Variants in ZNF212 observed in about 807,000 individuals in gnomAD.
ZNF212 encodes the protein Zinc finger protein C2H2-150.
Under a neutral mutation model 47.3 loss-of-function variants are expected in ZNF212, and 32 were observed. The observed-to-expected ratio is 0.68, with a 90% CI of 0.51 to 0.91. ZNF212 has a LOEUF of 0.91. Ranked by LOEUF, ZNF212 falls within the 40% of genes least tolerant of loss-of-function variation. The pLI is 0.00. For missense variants in ZNF212, 555 were observed against 622.8 expected, an observed-to-expected ratio of 0.89 and a Z score of 1.16; for synonymous variants, 242 against 253.8, an observed-to-expected ratio of 0.95 and a Z score of 0.44.
intron 1 of ZNF212, among the ~76,000 whole-genome samples, chr7:149,247,695 G>A (rs1009868747): frequency 1.3e-5 from 2 of 152,152 alleles, no homozygotes; most frequent in African/African-American, 4.8e-5. Flanking sequence ...AAATCAAGAT[G>A]TTTGCAGGGT....
chr7:149,252,662 C>T (rs1254154795), intron 3 of ZNF212, 44 bp from the exon 4 acceptor site: 2 of 1,592,904 alleles, frequency 1.3e-6, no homozygotes, highest in Non-Finnish European at 1.7e-6. Flanking sequence ...GTGCAGTGAG[C>T]TTTCACTCTC....
At chr7:149,241,406 TG>T (rs1441719157) in intron 1 of ZNF212, among the ~76,000 whole-genome samples, 1 of 125,610 alleles carries the variant, frequency 8.0e-6, no homozygotes, top group Non-Finnish European at 1.6e-5. Context: ...CACTCCAGCC[TG>T]GGTGACAGAG....
At chr7:149,251,200 T>C in intron 3 of ZNF212, 1 of 260,970 alleles carries the variant, frequency 3.8e-6, no homozygotes, top group South Asian at 3.9e-5. Flanking sequence ...TCTTTTTTTC[T>C]TTGAGACAGA....
chr7:149,248,173 A>G, intron 1 of ZNF212, among the ~76,000 whole-genome samples: 1 of 152,138 alleles, frequency 6.6e-6, no homozygotes, highest in East Asian at 1.9e-4. Context: ...ACCTCCCGAC[A>G]CTGCCACATT....
At chr7:149,245,182 CT>C (rs1397578288) in intron 1 of ZNF212, among the ~76,000 whole-genome samples, 1 of 151,710 alleles carries the variant, frequency 6.6e-6, no homozygotes, top group Non-Finnish European at 1.5e-5. Flanking sequence ...AACCCTGTCC[CT>C]ACTAAAAATA....
intron 1 of ZNF212, among the ~76,000 whole-genome samples, chr7:149,247,302 G>A (rs1222254348): frequency 6.6e-6 from 1 of 151,170 alleles, no homozygotes; most frequent in African/African-American, 2.4e-5. Flanking sequence ...GGAGGTGGGG[G>A]TCTTGCTTTG....
chr7:149,252,603 A>G lies in ZNF212; in HGVS notation c.542-103A>G, dbSNP rs903054643. The stretch of plus-strand genomic sequence containing the variant: ...GACAAGAACAGTAGCCTTTGAATCT[A>G]TATTTCCTCCCTGCCATTGGTCATC... On this transcript the variant is annotated intron_variant, in intron 3 of 4. Coordinates refer to ENST00000335870, the MANE Select transcript of ZNF212 (RefSeq NM_012256.4). 4.9e-5 allele frequency: 50 copies of G among 1,010,602 alleles called. No homozygotes were observed. The Admixed American group carries it at 8.2e-4, about 17-fold the overall frequency. The allele number at this position is 1,010,602 out of a possible 1,614,324, so 62.6% of individuals were successfully genotyped here.
chr7:149,246,385 C>CTT lies in ZNF212; in HGVS notation c.25-3760_25-3759dup, dbSNP rs879770541. On this transcript the variant is annotated intron_variant, in intron 1 of 4. Coordinates refer to ENST00000335870, the MANE Select transcript of ZNF212 (RefSeq NM_012256.4). The stretch of plus-strand genomic sequence containing the variant: ...TCCCTCATATCCCTTTATAATCAGT[C>CTT]TTTTTTTTTTTTTTTGAGACGGAGT... Among the ~76,000 whole-genome samples the CTT allele has an allele frequency of 3.5e-4, 50 of 143,704 alleles. No individual in the cohort carries two copies. The East Asian group carries it at 4.6e-3, about 13-fold the overall frequency. 94.3% of individuals were successfully genotyped at this position (143,704 alleles called of 152,430 possible).
chr7:149,246,246 A>G (rs1463612348), intron 1 of ZNF212, among the ~76,000 whole-genome samples: 1 of 152,224 alleles, frequency 6.6e-6, no homozygotes, highest in African/African-American at 2.4e-5. Flanking sequence ...GTTTATTGAG[A>G]TACCATTTAC....
rs10230230 is a variant in ZNF212, at chr7:149,253,050, G to A, written c.631+255G>A. On this transcript the variant is annotated intron_variant, in intron 4 of 4. Transcript: ENST00000335870. ...TACAGAATAGAGTACCGTACGAGGC[G>A]GTAGTCAAAACCTGCTGGAGATTGA... 1.8e-3 allele frequency among the ~76,000 whole-genome samples: 276 copies of A among 152,220 alleles called. 1 individual carries two copies. The highest frequency in any genetic ancestry group is 6.8e-3 in the Middle Eastern group (2 of 294).
chr7:149,244,198 G>T (rs558926780), intron 1 of ZNF212, among the ~76,000 whole-genome samples: 4 of 152,220 alleles, frequency 2.6e-5, no homozygotes, highest in African/African-American at 9.6e-5. Flanking sequence ...GCCTCCCAAA[G>T]GGTTGGGGTT....
At chr7:149,246,174 C>G (rs1796673513) in intron 1 of ZNF212, among the ~76,000 whole-genome samples, 1 of 152,120 alleles carries the variant, frequency 6.6e-6, no homozygotes, top group Non-Finnish European at 1.5e-5. Flanking sequence ...TGTTTTTAGA[C>G]TTTGTTTATG....
intron 1 of ZNF212, among the ~76,000 whole-genome samples, chr7:149,240,395 C>T (rs1264972083): frequency 7.2e-6 from 1 of 138,592 alleles, no homozygotes; most frequent in Non-Finnish European, 1.6e-5. Flanking sequence ...CCCCCCCCAA[C>T]ACCCCCCTCC....
chr7:149,250,890 G>A, intron 3 of ZNF212, 83 bp downstream of exon 3: 2 of 1,563,656 alleles, frequency 1.3e-6, no homozygotes, highest in Admixed American at 1.8e-5. Context: ...GACCACACCT[G>A]TGGCTCCTGT....
chr7:149,250,781 G>A lies in ZNF212; in HGVS notation c.515G>A (p.Ser172Asn). Residue 172 changes from serine (S) to asparagine (N), a missense_variant, in exon 3 of 5, where the codon AGT (serine) becomes AAT (asparagine). Transcript: ENST00000335870. ...GAGCTCTACAGAAACGTGATGGAGA[G>A]TAACTATGAGACACTGGTCTCTCTG... ...QKELYRNVME[S>N]NYETLVSLKV... is the part of the protein sequence containing the mutation. 6.2e-7 allele frequency: 1 copy of A among 1,614,232 alleles called. No individual in the cohort carries two copies. The highest frequency in any genetic ancestry group is 1.1e-5 in the South Asian group (1 of 91,086).
chr7:149,251,654 AT>A (rs1211456779), intron 3 of ZNF212, among the ~76,000 whole-genome samples: 2 of 151,344 alleles, frequency 1.3e-5, no homozygotes, highest in Non-Finnish European at 2.9e-5. Flanking sequence ...CGCCTGGCTA[AT>A]TTTTTAAATT....
chr7:149,254,469 C>T lies in ZNF212; in HGVS notation c.*54C>T, dbSNP rs757765093. 160 of 1,532,710 alleles carry T rather than the reference C, an allele frequency of 1.0e-4. No individual in the cohort carries two copies. The highest frequency in any genetic ancestry group is 1.3e-4 in the Non-Finnish European group (151 of 1,150,540). 94.9% of individuals were successfully genotyped at this position (1,532,710 alleles called of 1,614,324 possible). A position where few individuals can be genotyped will look rare whatever the true frequency, so the allele number is the denominator to read the frequency against. On this transcript the variant is annotated 3_prime_UTR_variant, in exon 5 of 5. Coordinates refer to ENST00000335870, the MANE Select transcript of ZNF212 (RefSeq NM_012256.4). This position sits in a 1 kb window ranked among gnomAD's most constrained non-coding sequence, Gnocchi z 4.5. ...TGGAGGGGGGTGGCATTGGTTCCCC[C>T]GAAGAGACACTGCAGTCAGGGACTG... is the stretch of plus-strand genomic sequence containing the variant.
chr7:149,251,765 C>T (rs1796762998), intron 3 of ZNF212, among the ~76,000 whole-genome samples: 2 of 150,020 alleles, frequency 1.3e-5, no homozygotes, highest in South Asian at 4.5e-4. Context: ...GCAGGGATTA[C>T]AGGCGTGAGC....
intron 1 of ZNF212, among the ~76,000 whole-genome samples, chr7:149,246,469 G>A (rs939943274): frequency 4.0e-5 from 6 of 151,068 alleles, no homozygotes; most frequent in South Asian, 4.2e-4. Context: ...TGCAGGCTCC[G>A]CCTGCTGGGT....
Sources: allele counts gnomAD v4.1 joint callset (sites outside exome capture counted in the v4.1 genomes callset), GRCh38; gene constraint gnomAD v4.1.1; non-coding constraint Gnocchi (gnomAD v3.1); transcripts MANE v1.5; gene names NCBI Gene and HGNC (gene_info 2026-07-23, HGNC 2026-07-21).